Variants in PTPN13 observed in about 807,000 individuals in gnomAD.
The protein encoded by PTPN13 is protein tyrosine phosphatase non-receptor type 13.
In PTPN13, 191 loss-of-function variants were observed where a neutral mutation model predicts 284.0. That is an observed-to-expected ratio of 0.67 (90% CI 0.60 to 0.76). PTPN13 has a LOEUF of 0.76. Ranked by LOEUF, PTPN13 falls within the 30% of genes least tolerant of loss-of-function variation. PTPN13 has a pLI of 0.00. For missense variants in PTPN13, 2,797 were observed against 2,939.9 expected (o/e 0.95, Z 1.12); for synonymous variants, 986 against 1,022.3 (o/e 0.96, Z 0.68).
chr4:86,610,730 A>G (rs1308865866), intron 1 of PTPN13, among the ~76,000 whole-genome samples: 1 of 152,230 alleles, frequency 6.6e-6, no homozygotes, highest in Admixed American at 6.5e-5. Context: ...CTGTTGTCCT[A>G]TAGGCCAAAC....
chr4:86,805,945 C>G (rs1744606251), intron 44 of PTPN13, among the ~76,000 whole-genome samples: 1 of 152,026 alleles, frequency 6.6e-6, no homozygotes, highest in African/African-American at 2.4e-5. Context: ...CACTTGAGAT[C>G]AGAAGTTTAA....
intron 17 of PTPN13, among the ~76,000 whole-genome samples, chr4:86,745,552 G>A (rs1222594382): frequency 6.6e-6 from 1 of 152,044 alleles, no homozygotes; most frequent in Non-Finnish European, 1.5e-5. Flanking sequence ...TGAGGCGGGT[G>A]GATCACGAGG....
At chr4:86,733,593 A>G (rs1432525819) in intron 12 of PTPN13, among the ~76,000 whole-genome samples, 1 of 152,114 alleles carries the variant, frequency 6.6e-6, no homozygotes, top group Non-Finnish European at 1.5e-5. Context: ...GTAGACTCAT[A>G]CAATAAATAG....
At chr4:86,661,742 C>T (rs1352158654) in intron 2 of PTPN13, among the ~76,000 whole-genome samples, 1 of 152,186 alleles carries the variant, frequency 6.6e-6, no homozygotes, top group Non-Finnish European at 1.5e-5. Context: ...TAAAAATATA[C>T]ACTATTCCTC....
intron 12 of PTPN13, among the ~76,000 whole-genome samples, 195 bp downstream of exon 12, chr4:86,732,961 C>T (rs1372850002): frequency 6.6e-6 from 1 of 152,014 alleles, no homozygotes; most frequent in African/African-American, 2.4e-5. Context: ...TAGGCACCTT[C>T]TGTATCTGAC....
At chr4:86,733,018 T>C (rs973187845) in intron 12 of PTPN13, among the ~76,000 whole-genome samples, 2 of 152,046 alleles carry the variant, frequency 1.3e-5, no homozygotes, top group Non-Finnish European at 2.9e-5. Flanking sequence ...AAAATATATT[T>C]TAATTATATT....
intron 1 of PTPN13, among the ~76,000 whole-genome samples, chr4:86,626,565 G>T (rs1578279377): frequency 1.3e-5 from 2 of 152,028 alleles, no homozygotes; most frequent in Non-Finnish European, 2.9e-5. Context: ...AATGTATTTT[G>T]TATTAGGGAG....
intron 17 of PTPN13, among the ~76,000 whole-genome samples, chr4:86,746,044 C>T (rs1736727730): frequency 1.3e-5 from 2 of 152,050 alleles, no homozygotes; most frequent in South Asian, 4.1e-4. Context: ...TTCTGGGTGG[C>T]AGATTTACTA....
rs368561727 is a variant in PTPN13 at position 86,770,065 on chromosome 4, A to C, written c.4705-36A>C. On this transcript the variant is annotated intron_variant, in intron 29 of 47. Coordinates refer to ENST00000411767, the MANE Select transcript of PTPN13 (RefSeq NM_080683.3). The stretch of plus-strand genomic sequence containing the variant: ...CAGAATGGTTTCATAATGCTGGTTT[A>C]ACTGTACCTTCATTTGTCATTCATG... 5.4e-5 allele frequency: 87 copies of C among 1,611,666 alleles called. No individual in the cohort carries two copies. The African/African-American group carries it at 1.0e-3, about 19-fold the overall frequency.
At position 86,722,280 on chromosome 4, in the gene PTPN13, A is replaced by C. The variant is rs775850315; in HGVS notation, c.1454A>C (p.Glu485Ala). The C allele has an allele frequency of 2.4e-5, 39 of 1,613,762 alleles. No individual in the cohort carries two copies. Among genetic ancestry groups the C allele is most frequent in the Non-Finnish European group, 3.1e-5 (36 of 1,179,840 alleles). The change falls in exon 10 of 48, where the codon GAA becomes GCA. Residue 485 changes from glutamate to alanine, a missense_variant. Coordinates refer to ENST00000411767, the MANE Select transcript of PTPN13 (RefSeq NM_080683.3). ...NQEIMLKRQE[E>A]ELMQLQAKMA... ...GAGATCATGCTAAAACGGCAAGAGG[A>C]AGAACTGATGCAGCTACAAGCCAAA... is the stretch of plus-strand genomic sequence containing the variant.
chr4:86,717,043 A>G lies in PTPN13; in HGVS notation c.1311A>G (p.Ser437=), dbSNP rs1025262249. 6.2e-7 allele frequency: 1 copy of G among 1,612,910 alleles called. No individual in the cohort carries two copies. The highest frequency in any genetic ancestry group is 1.7e-5 in the Admixed American group (1 of 59,934). ...DFRQVRRSEA[S]KRFESSSGLP... is the part of the protein sequence containing the mutation. ...AATTAGTGAGAAGAAGTGAAGCCTC[A>G]AAGAGGTTTGAATCCAGCAGTGGTC... Residue 437 remains serine (S), a synonymous_variant, in exon 9 of 48, where the codon TCA becomes TCG. Coordinates refer to ENST00000411767, the MANE Select transcript of PTPN13 (RefSeq NM_080683.3).
chr4:86,733,668 T>C (rs1463700214), intron 12 of PTPN13, among the ~76,000 whole-genome samples: 2 of 152,152 alleles, frequency 1.3e-5, no homozygotes, highest in African/African-American at 2.4e-5. Flanking sequence ...TCAGTCAATA[T>C]TGTCTACATG....
chr4:86,620,704 G>A (rs1276250702), intron 1 of PTPN13, among the ~76,000 whole-genome samples: 1 of 152,114 alleles, frequency 6.6e-6, no homozygotes, highest in Non-Finnish European at 1.5e-5. Context: ...GTACTTATTT[G>A]TGTATAGTTT....
intron 1 of PTPN13, among the ~76,000 whole-genome samples, chr4:86,612,504 A>T (rs1377008304): frequency 6.6e-6 from 1 of 152,208 alleles, no homozygotes; most frequent in Non-Finnish European, 1.5e-5. Flanking sequence ...ATGATAGAAA[A>T]AATATTGGAA....
intron 40 of PTPN13, among the ~76,000 whole-genome samples, chr4:86,794,035 C>T (rs886903005): frequency 1.3e-5 from 2 of 152,130 alleles, no homozygotes; most frequent in Non-Finnish European, 2.9e-5. Flanking sequence ...CACAAAAAAC[C>T]ATTCAAAAAA....
At chr4:86,701,919 C>G in intron 7 of PTPN13, 118 bp downstream of exon 7, 6 of 965,294 alleles carry the variant, frequency 6.2e-6, no homozygotes, top group Non-Finnish European at 8.9e-6. Context: ...ATTTTTGTAC[C>G]CTGGTTAGTC....
At chr4:86,687,583 C>A (rs190532183) in intron 4 of PTPN13, among the ~76,000 whole-genome samples, 11 of 152,132 alleles carry the variant, frequency 7.2e-5, no homozygotes, top group African/African-American at 2.4e-4. Flanking sequence ...ATACAAACAT[C>A]TTAAGATCCA....
rs540005713 is a variant in PTPN13 at position 86,675,839 on chromosome 4, G to A, written c.294+3296G>A. Among the ~76,000 whole-genome samples, 13 of 152,100 alleles carry A rather than the reference G, an allele frequency of 8.5e-5. No individual in the cohort carries two copies. The East Asian group carries it at 2.1e-3, about 25-fold the overall frequency. ...CTTATTTGACAATTCCTTTGAAATC[G>A]GTTTGATGGGATGGAATTTGAATCA... On this transcript the variant is annotated intron_variant, in intron 3 of 47. Coordinates refer to ENST00000411767, the MANE Select transcript of PTPN13 (RefSeq NM_080683.3).
intron 2 of PTPN13, among the ~76,000 whole-genome samples, chr4:86,636,722 G>A (rs1296073055): frequency 6.6e-6 from 1 of 151,990 alleles, no homozygotes; most frequent in East Asian, 1.9e-4. Flanking sequence ...ACAAGAGAAA[G>A]CAGGAAAGAT....
Sources: gnomAD v4.1 joint callset for allele counts (sites outside exome capture counted in the v4.1 genomes callset) on GRCh38, gnomAD v4.1.1 for gene constraint, MANE v1.5 for transcripts, NCBI Gene and HGNC (gene_info 2026-07-23, HGNC 2026-07-21) for gene names.